ZNF665: variants seen among roughly 807,000 people sequenced by gnomAD.
ZNF665 encodes the protein zinc finger protein 665.
In ZNF665, 6 loss-of-function variants were observed where a neutral mutation model predicts 7.9. That is an observed-to-expected ratio of 0.76 (90% CI 0.42 to 1.50). The LOEUF (loss-of-function observed/expected upper bound fraction) is 1.50. Ranked by LOEUF, ZNF665 falls within the 40% of genes most tolerant of loss-of-function variation. The pLI is 0.01. For missense variants in ZNF665, 819 were observed against 806.7 expected, an observed-to-expected ratio of 1.02 and a Z score of -0.18; for synonymous variants, 242 against 274.5, an observed-to-expected ratio of 0.88 and a Z score of 1.17.
intron 3 of ZNF665, 95 bp from the exon 4 acceptor site, chr19:53,166,442 G>C: frequency 8.8e-7 from 1 of 1,139,426 alleles, no homozygotes. Flanking sequence ...AAAAGTAATA[G>C]TTATGTTGAA....
intron 3 of ZNF665, among the ~76,000 whole-genome samples, chr19:53,171,488 T>TTGTGTG (rs1196693590): frequency 5.7e-3 from 432 of 75,844 alleles, no homozygotes; most frequent in East Asian, 0.023. Context: ...ATCTTTACAT[T>TTGTGTG]TGTGTGTGTG....
At chr19:53,171,544 T>A (rs1329511697) in intron 3 of ZNF665, among the ~76,000 whole-genome samples, 1 of 137,128 alleles carries the variant, frequency 7.3e-6, no homozygotes, top group African/African-American at 2.6e-5. Context: ...TTTTTTTCTT[T>A]TTTTAGACGG....
intron 3 of ZNF665, among the ~76,000 whole-genome samples, chr19:53,173,370 C>CTGT (rs2090672824): frequency 8.9e-6 from 1 of 112,632 alleles, no homozygotes; most frequent in Non-Finnish European, 1.7e-5. Context: ...TTTTTTTTCA[C>CTGT]TCTTTTTTTT....
chr19:53,189,439 T>C (rs1249264972), intron 1 of ZNF665, among the ~76,000 whole-genome samples: 7 of 147,930 alleles, frequency 4.7e-5, no homozygotes, highest in Admixed American at 4.1e-4. Context: ...CCTCCAATGA[T>C]AGGTAAGGTC....
At chr19:53,173,162 C>T (rs2090671029) in intron 3 of ZNF665, among the ~76,000 whole-genome samples, 1 of 152,120 alleles carries the variant, frequency 6.6e-6, no homozygotes, top group African/African-American at 2.4e-5. Context: ...AGTAGTTTTA[C>T]ATTATCAGGT....
chr19:53,174,821 C>T (rs1429395064), intron 3 of ZNF665, among the ~76,000 whole-genome samples: 1 of 151,896 alleles, frequency 6.6e-6, no homozygotes. Flanking sequence ...AGCCTGTAAT[C>T]CCAGCTACTC....
rs758823525 is a variant in ZNF665 at position 53,165,536 on chromosome 19, G to C, written c.954C>G (p.Tyr318Ter). 2 of 1,614,138 alleles carry C rather than the reference G, an allele frequency of 1.2e-6. No individual in the cohort carries two copies. Among genetic ancestry groups the C allele is most frequent in the South Asian group, 1.1e-5 (1 of 91,078 alleles). The change falls in exon 4 of 4, where the codon TAC (tyrosine) becomes TAG (stop). Residue 318 changes from tyrosine to a stop codon, truncating the protein, a stop_gained. Transcript: ENST00000396424. LOFTEE classifies it low-confidence loss of function (END_TRUNC). Reference sequence around the variant, plus strand: ...AGGCTTTGCCACACTCATTACACTTGTAAGGCTTCTCCCCAGTATGAATTC... The same window carrying C: ...AGGCTTTGCCACACTCATTACACTTCTAAGGCTTCTCCCCAGTATGAATTC... Reference protein sequence around the residue: ...HRRIHTGEKPYKCNECGKAFS... With the variant: ...HRRIHTGEKP
At position 53,165,010 on chromosome 19, in the gene ZNF665, C is replaced by G. The variant is rs1294429141; in HGVS notation, c.1480G>C (p.Ala494Pro). 6.2e-7 allele frequency: 1 copy of G among 1,613,964 alleles called. No individual in the cohort carries two copies. Among genetic ancestry groups the G allele is most frequent in the Admixed American group, 1.7e-5 (1 of 60,004 alleles). Reference protein sequence around the residue: ...KPYKCDECGKAFSQTSQLARH... With the variant: ...KPYKCDECGKPFSQTSQLARH... The stretch of plus-strand genomic sequence containing the variant: ...GCAAGTTGTGATGTTTGACTGAAGG[C>G]TTTACCACATTCATCACACTTGTAA... The change falls in exon 4 of 4, where the codon GCC (alanine) becomes CCC (proline). Residue 494 changes from alanine (A) to proline (P), a missense_variant. Coordinates refer to ENST00000396424, the MANE Select transcript of ZNF665 (RefSeq NM_024733.5).
chr19:53,190,009 T>C (rs945507508), intron 1 of ZNF665, among the ~76,000 whole-genome samples: 2 of 152,204 alleles, frequency 1.3e-5, no homozygotes, highest in African/African-American at 4.8e-5. Flanking sequence ...TGGCCTGGTT[T>C]TTCCTAGGCT....
chr19:53,178,015 A>G (rs1392068531), intron 2 of ZNF665, among the ~76,000 whole-genome samples: 1 of 152,234 alleles, frequency 6.6e-6, no homozygotes, highest in Non-Finnish European at 1.5e-5. Context: ...TACCTGAAAG[A>G]GCAGCTCGCA....
intron 3 of ZNF665, 33 bp from the exon 4 acceptor site, chr19:53,166,380 T>C: frequency 6.7e-7 from 1 of 1,497,408 alleles, no homozygotes; most frequent in Non-Finnish European, 8.9e-7. Flanking sequence ...GATTTCCAGT[T>C]AACTATAGTA....
rs757222280 is a variant in ZNF665, at chr19:53,189,051, C to CTGTGTGTGTGTCTGTGTGTGTGTGTG, written c.-46+4260_-46+4261insCACACACACACACAGACACACACACA. Reference sequence around the variant, plus strand: ...AGATGAGAAAGAAAGGCTTTATTTTCTGTGTGTGTGTGTGTGTGTGTGTGT... The same window carrying CTGTGTGTGTGTCTGTGTGTGTGTGTG: ...AGATGAGAAAGAAAGGCTTTATTTTCTGTGTGTGTGTCTGTGTGTGTGTGTGTGTGTGTGTGTGTGTGTGTGTGTGT... On this transcript the variant is annotated intron_variant, in intron 1 of 3. Coordinates refer to ENST00000396424, the MANE Select transcript of ZNF665 (RefSeq NM_024733.5). Among the ~76,000 whole-genome samples the CTGTGTGTGTGTCTGTGTGTGTGTGTG allele has an allele frequency of 8.9e-4, 122 of 137,748 alleles. 1 individual carries two copies. The highest frequency in any genetic ancestry group is 2.7e-3 in the African/African-American group (105 of 38,274). 90.4% of individuals were successfully genotyped at this position (137,748 alleles called of 152,430 possible).
In ZNF665 at chr19:53,185,122, A is replaced by G. The variant is rs866312017; in HGVS notation, c.-45-2179T>C. Among the ~76,000 whole-genome samples the G allele has an allele frequency of 4.9e-3, 741 of 151,964 alleles. 10 individuals are homozygous for G. Among genetic ancestry groups the G allele is most frequent in the African/African-American group, 0.017 (714 of 41,474 alleles). On this transcript the variant is annotated intron_variant, in intron 1 of 3. Transcript: ENST00000396424. ...TTAGGCCTCCGGATAACTGCGGGCG[A>G]GCCTGACTGATGTCAGGCCCTCCAC...
At chr19:53,169,621 T>C (rs2090641990) in intron 3 of ZNF665, among the ~76,000 whole-genome samples, 2 of 152,148 alleles carry the variant, frequency 1.3e-5, no homozygotes, top group Admixed American at 1.3e-4. Context: ...CATGCTGGTG[T>C]GCTGCACCCA....
At chr19:53,190,466 C>G (rs1228771381) in intron 1 of ZNF665, 1 of 152,266 alleles carries the variant, frequency 6.6e-6, no homozygotes, top group Non-Finnish European at 1.5e-5. Context: ...CCTACAATTT[C>G]ACTCCACTCT....
chr19:53,167,914 T>G (rs1020695846), intron 3 of ZNF665, among the ~76,000 whole-genome samples: 7 of 149,058 alleles, frequency 4.7e-5, no homozygotes, highest in African/African-American at 1.5e-4. Flanking sequence ...AAATTCGCCA[T>G]GCGTTGTGGC....
chr19:53,173,634 A>T (rs756569007), intron 3 of ZNF665, among the ~76,000 whole-genome samples: 6 of 151,946 alleles, frequency 3.9e-5, no homozygotes, highest in Non-Finnish European at 7.4e-5. Context: ...CAGCCTCCCA[A>T]ACTGCTGGGA....
chr19:53,172,522 G>A (rs1291829057), intron 3 of ZNF665, among the ~76,000 whole-genome samples: 6 of 152,026 alleles, frequency 3.9e-5, no homozygotes, highest in Admixed American at 1.3e-4. Context: ...GATGTTGGCT[G>A]TTTGTCTGCC....
chr19:53,170,235 G>A (rs2090647394), intron 3 of ZNF665, among the ~76,000 whole-genome samples: 1 of 152,052 alleles, frequency 6.6e-6, no homozygotes. Context: ...TCTAACTGGT[G>A]TGAGGAATGG....
Sources: allele counts gnomAD v4.1 joint callset (sites outside exome capture counted in the v4.1 genomes callset), GRCh38; gene constraint gnomAD v4.1.1; transcripts MANE v1.5; gene names NCBI Gene and HGNC (gene_info 2026-07-23, HGNC 2026-07-21).